Variants in FHIT observed in about 807,000 individuals in gnomAD.
FHIT encodes bis(5'-adenosyl)-triphosphatase.
In FHIT, 19 loss-of-function variants were observed where a neutral mutation model predicts 17.9. That is an observed-to-expected ratio of 1.06 (90% CI 0.74 to 1.56). The LOEUF (loss-of-function observed/expected upper bound fraction) is 1.56, where lower values mean the gene tolerates loss of function less well. Ranked by LOEUF, FHIT falls within the 40% of genes most tolerant of loss-of-function variation. The pLI, the probability that FHIT is intolerant of heterozygous loss-of-function variation, is 0.00. For missense variants in FHIT, 248 were observed against 189.2 expected, an observed-to-expected ratio of 1.31 and a Z score of -1.82; for synonymous variants, 81 against 69.7, an observed-to-expected ratio of 1.16 and a Z score of -0.81.
rs1479703378 is a variant in FHIT, at chr3:61,137,298, TCTCA to T, written c.-164+63315_-164+63318del. On this transcript the variant is annotated intron_variant, in intron 2 of 9. Coordinates refer to ENST00000492590, the MANE Select transcript of FHIT (RefSeq NM_002012.4). ...TTTTTTTTTTTTTGGTACACACTCT[TCTCA>T]CTATTTGTAATGCCCTTGTTTCCGT... Among the ~76,000 whole-genome samples, 4 of 146,312 alleles carry T rather than the reference TCTCA, an allele frequency of 2.7e-5. No homozygotes were observed. In the East Asian group the frequency reaches 6.3e-4, roughly 23 times the overall value.
Position 60,020,557 on chromosome 3 carries a change from C to T in FHIT, c.104-6405G>A, listed in dbSNP as rs540483733. ...ATAATACAACACAGAATTAATCATT[C>T]TTCTGAACTAATAAAAAAGAGTCTG... On this transcript the variant is annotated intron_variant, in intron 5 of 9. Coordinates refer to ENST00000492590, the MANE Select transcript of FHIT (RefSeq NM_002012.4). Among the ~76,000 whole-genome samples the T allele has an allele frequency of 1.1e-4, 17 of 152,230 alleles. 1 individual carries two copies. In the East Asian group the frequency reaches 2.5e-3, roughly 22 times the overall value.
At chr3:59,877,579 G>A (rs769659312) in intron 8 of FHIT, among the ~76,000 whole-genome samples, 4 of 152,154 alleles carry the variant, frequency 2.6e-5, no homozygotes, top group Admixed American at 6.5e-5. Context: ...GTGGAGAGGA[G>A]GTCATTTAAG....
At chr3:60,637,502 CATA>C (rs1553684239) in intron 4 of FHIT, among the ~76,000 whole-genome samples, 1 of 152,082 alleles carries the variant, frequency 6.6e-6, no homozygotes. Flanking sequence ...ACATTAGATA[CATA>C]ATAATTTGTT....
At chr3:59,910,683 C>T (rs934237440) in intron 8 of FHIT, among the ~76,000 whole-genome samples, 2 of 152,062 alleles carry the variant, frequency 1.3e-5, no homozygotes, top group African/African-American at 4.8e-5. Flanking sequence ...ACAACAACAA[C>T]AAACAAAAGA....
chr3:60,329,996 C>A (rs6446122), intron 5 of FHIT, among the ~76,000 whole-genome samples: 13,194 of 152,138 alleles, frequency 0.087, 1,889 homozygotes, highest in African/African-American at 0.3. Context: ...ATTAATTGCC[C>A]CATATGTTCA....
At chr3:61,097,621 T>C (rs544151018) in intron 2 of FHIT, among the ~76,000 whole-genome samples, 4 of 152,160 alleles carry the variant, frequency 2.6e-5, no homozygotes, top group Non-Finnish European at 4.4e-5. Context: ...CTGCTACTTT[T>C]TGACTTTTTA....
At chr3:60,362,390 AT>A (rs976710993) in intron 5 of FHIT, among the ~76,000 whole-genome samples, 8 of 151,584 alleles carry the variant, frequency 5.3e-5, no homozygotes, top group Non-Finnish European at 1.0e-4. Context: ...TTCTGTTCGG[AT>A]TTTTTTTTGG....
At chr3:59,936,289 A>G (rs138964175) in intron 7 of FHIT, among the ~76,000 whole-genome samples, 77 of 152,260 alleles carry the variant, frequency 5.1e-4, no homozygotes, top group African/African-American at 1.7e-3. Flanking sequence ...TTTATACATC[A>G]TATCAGAACA....
At chr3:60,408,874 G>C (rs763362328) in intron 5 of FHIT, among the ~76,000 whole-genome samples, 2 of 152,124 alleles carry the variant, frequency 1.3e-5, no homozygotes, top group Non-Finnish European at 2.9e-5. Flanking sequence ...CATAATTCCA[G>C]TGGCTTTCCT....
intron 5 of FHIT, among the ~76,000 whole-genome samples, chr3:60,182,121 C>T (rs73097590): frequency 0.18 from 27,831 of 152,114 alleles, 3,087 homozygotes; most frequent in East Asian, 0.3. Context: ...TGTAAACTGT[C>T]CTGGCGCCAA....
chr3:60,979,333 T>C (rs1710390587), intron 3 of FHIT, among the ~76,000 whole-genome samples: 1 of 152,072 alleles, frequency 6.6e-6, no homozygotes, highest in African/African-American at 2.4e-5. Context: ...TACTTCAGAG[T>C]TAACCAGAGG....
At chr3:60,203,592 C>T (rs897580321) in intron 5 of FHIT, among the ~76,000 whole-genome samples, 3 of 152,164 alleles carry the variant, frequency 2.0e-5, no homozygotes, top group East Asian at 1.9e-4. Context: ...AGATGCACTG[C>T]TCTGTGCAAC....
Position 59,748,788 on chromosome 3 carries a change from C to A in FHIT, c.*797G>T, listed in dbSNP as rs1465406135. Among the ~76,000 whole-genome samples the A allele has an allele frequency of 6.6e-6, 1 of 152,152 alleles. No homozygotes were observed. The highest frequency in any genetic ancestry group is 1.5e-5 in the Non-Finnish European group (1 of 68,006). ...TTTGCCACTTACCGTTGGCCTTGAA[C>A]TAATAATACTTAACATCCTTAAGCC... On this transcript the variant is annotated 3_prime_UTR_variant, in exon 10 of 10. Coordinates refer to ENST00000492590, the MANE Select transcript of FHIT (RefSeq NM_002012.4).
chr3:60,782,237 G>GTATATATATATATATATA (rs11272366), intron 4 of FHIT, among the ~76,000 whole-genome samples: 56 of 95,582 alleles, frequency 5.9e-4, no homozygotes, highest in African/African-American at 1.8e-3. Flanking sequence ...GTGTGTGTGT[G>GTATATATATATATATATA]TATATATATA....
chr3:60,644,122 T>C (rs114536710), intron 4 of FHIT, among the ~76,000 whole-genome samples: 1,530 of 152,296 alleles, frequency 0.01, 26 homozygotes, highest in African/African-American at 0.035. Context: ...TTCCTCTTAC[T>C]ATCCTGAAGG....
At chr3:60,509,126 G>A (rs2034847244) in intron 5 of FHIT, among the ~76,000 whole-genome samples, 1 of 152,128 alleles carries the variant, frequency 6.6e-6, no homozygotes, top group African/African-American at 2.4e-5. Context: ...TATCTACCAA[G>A]CAAGAGATCC....
intron 5 of FHIT, among the ~76,000 whole-genome samples, chr3:60,281,508 G>A (rs1707452350): frequency 6.6e-6 from 1 of 151,732 alleles, no homozygotes; most frequent in South Asian, 2.1e-4. Context: ...GAACAGAAGA[G>A]GAAATCCAGA....
At chr3:60,757,288 T>G (rs1162236501) in intron 4 of FHIT, among the ~76,000 whole-genome samples, 1 of 152,208 alleles carries the variant, frequency 6.6e-6, no homozygotes, top group African/African-American at 2.4e-5. Flanking sequence ...GGCCAGACAT[T>G]GTTCTGAATT....
intron 5 of FHIT, among the ~76,000 whole-genome samples, chr3:60,509,369 T>C (rs1346481256): frequency 1.3e-5 from 2 of 152,194 alleles, no homozygotes; most frequent in Non-Finnish European, 2.9e-5. Flanking sequence ...TTTCCAATCT[T>C]GTGTACTATT....
Sources: gnomAD v4.1 joint callset for allele counts (sites outside exome capture counted in the v4.1 genomes callset) on GRCh38, gnomAD v4.1.1 for gene constraint, MANE v1.5 for transcripts, NCBI Gene and HGNC (gene_info 2026-07-23, HGNC 2026-07-21) for gene names.